Variants in ARMC12 observed in about 807,000 individuals in gnomAD.
ARMC12 encodes the protein armadillo repeat-containing protein 12.
A neutral mutation model predicts 37.4 loss-of-function variants in ARMC12; 25 were observed. The ratio of observed to expected loss-of-function variants is 0.67; its 90% CI spans 0.49 to 0.93. The LOEUF (loss-of-function observed/expected upper bound fraction) is 0.93, where lower values mean the gene tolerates loss of function less well. Among genes scored for constraint, ARMC12 ranks in the 40% least tolerant of loss-of-function variants. The probability of loss-of-function intolerance (pLI) is 0.00; values close to 1 mark genes in which losing one functional copy is unlikely to be tolerated. For synonymous variants in ARMC12, 167 were observed against 176.1 expected (o/e 0.95, Z 0.41); for missense variants, 384 against 426.6 (o/e 0.90, Z 0.88).
intron 3 of ARMC12, among the ~76,000 whole-genome samples, chr6:35,738,850 T>C (rs1767078225): frequency 6.6e-6 from 1 of 152,248 alleles, no homozygotes; most frequent in South Asian, 2.1e-4. Context: ...GTTCAGACAC[T>C]ATCCATAGTT....
chr6:35,743,881 G>T (rs1767252076), intron 3 of ARMC12, among the ~76,000 whole-genome samples: 1 of 149,244 alleles, frequency 6.7e-6, no homozygotes, highest in Non-Finnish European at 1.5e-5. Context: ...GGAGGTGGAG[G>T]TTGCATTGAA....
In ARMC12 at chr6:35,748,914, G is replaced by A. The variant is rs995067869; in HGVS notation, c.*44G>A. On this transcript the variant is annotated 3_prime_UTR_variant, in exon 6 of 6. Coordinates refer to ENST00000373866, the MANE Select transcript of ARMC12 (RefSeq NM_001286574.2). ...AATGAGTATAGGAGAGAAACTTGAA[G>A]TTTCTTGAAGCTCGAATGTCTGTTG... 2 of 1,538,070 alleles carry A rather than the reference G, an allele frequency of 1.3e-6. No individual in the cohort carries two copies. The highest frequency in any genetic ancestry group is 2.8e-5 in the African/African-American group (2 of 72,234).
intron 2 of ARMC12, 87 bp from the exon 3 acceptor site, chr6:35,738,293 GGGGT>G: frequency 7.0e-7 from 1 of 1,431,964 alleles, no homozygotes; most frequent in Non-Finnish European, 9.4e-7. Flanking sequence ...CGGTGGGGGG[GGGGT>G]GTGCGGAGGG....
rs375916832 is a variant in ARMC12 at position 35,745,093 on chromosome 6, T to A, written c.445-2168T>A. 3.0e-4 allele frequency among the ~76,000 whole-genome samples: 45 copies of A among 152,328 alleles called. 1 individual carries two copies. The South Asian group carries it at 7.1e-3, about 24-fold the overall frequency. On this transcript the variant is annotated intron_variant, in intron 3 of 5. Coordinates refer to ENST00000373866, the MANE Select transcript of ARMC12 (RefSeq NM_001286574.2). Reference sequence around the variant, plus strand: ...TTTCTTTCAGAACTAAACATACATTTACCAATTCAGCAGTTGAACTCTTGG... The same window carrying A: ...TTTCTTTCAGAACTAAACATACATTAACCAATTCAGCAGTTGAACTCTTGG...
intron 3 of ARMC12, among the ~76,000 whole-genome samples, chr6:35,745,170 G>A (rs1034950996): frequency 2.0e-5 from 3 of 152,146 alleles, no homozygotes; most frequent in Admixed American, 1.3e-4. Context: ...ACCAGTACAC[G>A]ATTGTCGATA....
chr6:35,738,291 G>GGA, intron 2 of ARMC12, 93 bp from the exon 3 acceptor site: 2 of 1,435,750 alleles, frequency 1.4e-6, no homozygotes, highest in South Asian at 1.3e-5. Flanking sequence ...AGCGGTGGGG[G>GGA]GGGGGTGTGC....
In ARMC12 at chr6:35,744,819, C is replaced by T. The variant is rs149047086; in HGVS notation, c.445-2442C>T. Among the ~76,000 whole-genome samples, 13 of 152,250 alleles carry T rather than the reference C, an allele frequency of 8.5e-5. 1 individual carries two copies. In the East Asian group the frequency reaches 2.5e-3, roughly 29 times the overall value. ...TTAGGAAATGGGCAAAATACATGAA[C>T]AGATATTTCACTGAAGAGGATATAT... On this transcript the variant is annotated intron_variant, in intron 3 of 5. Coordinates refer to ENST00000373866, the MANE Select transcript of ARMC12 (RefSeq NM_001286574.2).
chr6:35,737,458 G>A, intron 1 of ARMC12, 187 bp downstream of exon 1: 2 of 1,524,218 alleles, frequency 1.3e-6, no homozygotes, highest in Non-Finnish European at 8.8e-7. Flanking sequence ...CTAGCTCAGG[G>A]TCCCTGGATC....
intron 3 of ARMC12, among the ~76,000 whole-genome samples, chr6:35,743,501 A>G (rs1767241265): frequency 6.6e-6 from 1 of 152,222 alleles, no homozygotes; most frequent in Non-Finnish European, 1.5e-5. Flanking sequence ...TAAAGGCGTG[A>G]GCCACTGCGT....
upstream of ARMC12, among the ~76,000 whole-genome samples, chr6:35,736,270 C>T (rs1766958382): frequency 6.6e-6 from 1 of 152,210 alleles, no homozygotes; most frequent in African/African-American, 2.4e-5. Flanking sequence ...TAAGATACTC[C>T]CCTCCTTTTC....
At chr6:35,741,421 T>TC (rs926411831) in intron 3 of ARMC12, among the ~76,000 whole-genome samples, 1 of 151,434 alleles carries the variant, frequency 6.6e-6, no homozygotes, top group African/African-American at 2.4e-5. Flanking sequence ...CATTTTAATT[T>TC]TTTTTTTTTT....
intron 5 of ARMC12, among the ~76,000 whole-genome samples, 196 bp downstream of exon 5, chr6:35,747,843 TC>T (rs1200864192): frequency 6.6e-6 from 1 of 152,120 alleles, no homozygotes; most frequent in African/African-American, 2.4e-5. Context: ...GGGAGGGGGA[TC>T]CCCCTTTGAG....
At chr6:35,737,298 GCT>G in intron 1 of ARMC12, 27 bp downstream of exon 1, 1 of 1,614,242 alleles carries the variant, frequency 6.2e-7, no homozygotes, top group Non-Finnish European at 8.5e-7. Context: ...TGGGGAGAGG[GCT>G]CTGCCCCAGG....
upstream of ARMC12, among the ~76,000 whole-genome samples, chr6:35,733,275 C>T (rs1478865057): frequency 1.3e-5 from 2 of 152,192 alleles, no homozygotes; most frequent in Admixed American, 6.5e-5. Context: ...TGGGATGCTT[C>T]GAGGGCTACC....
intron 3 of ARMC12, among the ~76,000 whole-genome samples, chr6:35,744,622 G>T (rs1351018079): frequency 6.6e-6 from 1 of 152,044 alleles, no homozygotes; most frequent in African/African-American, 2.4e-5. Context: ...GGGCATGGTG[G>T]TGGGCACCTG....
chr6:35,747,697 G>C (rs1157034628), intron 5 of ARMC12, 50 bp downstream of exon 5: 1 of 1,570,554 alleles, frequency 6.4e-7, no homozygotes. Context: ...CAGGTATAGG[G>C]GGAGGGAAGA....
rs780970415 is a variant in ARMC12 at position 35,738,118 on chromosome 6, C to T, written c.255C>T (p.Ala85=). The change falls in exon 2 of 6, where the codon GCC becomes GCT. Residue 85 remains alanine, a synonymous_variant. Transcript: ENST00000373866. The part of the protein sequence containing the change: ...NSLECKQDEY[A]KSMILHSITR... ...TGGAGTGCAAACAGGATGAGTATGC[C>T]AAGAGCATGATCCTGCACAGTATCA... 1.2e-6 allele frequency: 2 copies of T among 1,613,862 alleles called. No homozygotes were observed. The highest frequency in any genetic ancestry group is 1.7e-5 in the Admixed American group (1 of 59,998).
chr6:35,741,454 G>A (rs895877268), intron 3 of ARMC12, among the ~76,000 whole-genome samples: 3 of 145,004 alleles, frequency 2.1e-5, no homozygotes, highest in African/African-American at 7.8e-5. Context: ...TTGCTCTGTT[G>A]CCCAGGCTGG....
intron 3 of ARMC12, among the ~76,000 whole-genome samples, chr6:35,742,225 G>T (rs921061488): frequency 6.6e-6 from 1 of 151,636 alleles, no homozygotes; most frequent in African/African-American, 2.4e-5. Context: ...TTGGCTGGGC[G>T]CAGTGGTTCA....
Sources: gnomAD v4.1 joint callset for allele counts (sites outside exome capture counted in the v4.1 genomes callset) on GRCh38, gnomAD v4.1.1 for gene constraint, MANE v1.5 for transcripts, NCBI Gene and HGNC (gene_info 2026-07-23, HGNC 2026-07-21) for gene names.